Variants in DISC1 observed in about 807,000 individuals in gnomAD.
DISC1 encodes DISC1 scaffold protein.
A neutral mutation model predicts 84.5 loss-of-function variants in DISC1; 57 were observed. The ratio of observed to expected loss-of-function variants is 0.67; its 90% CI spans 0.55 to 0.84. The LOEUF is 0.84. Ranked by LOEUF, DISC1 falls within the 40% of genes least tolerant of loss-of-function variation. The pLI is 0.00. For synonymous variants in DISC1, 411 were observed against 415.2 expected, an observed-to-expected ratio of 0.99 and a Z score of 0.12; for missense variants, 1,000 against 1,057.8, an observed-to-expected ratio of 0.95 and a Z score of 0.76.
chr1:231,863,795 C>T (rs2084852471), intron 9 of DISC1, among the ~76,000 whole-genome samples: 1 of 152,166 alleles, frequency 6.6e-6, no homozygotes, highest in Non-Finnish European at 1.5e-5. Context: ...GATGCTGGAG[C>T]CAAGGTCTAG....
intron 10 of DISC1, among the ~76,000 whole-genome samples, chr1:231,993,137 A>T (rs1665451425): frequency 6.6e-6 from 1 of 152,116 alleles, no homozygotes; most frequent in African/African-American, 2.4e-5. Flanking sequence ...AAATGGTTGG[A>T]TTTCAATGGG....
chr1:231,681,249 T>A (rs1478302945), intron 1 of DISC1, among the ~76,000 whole-genome samples: 1 of 152,218 alleles, frequency 6.6e-6, no homozygotes, highest in African/African-American at 2.4e-5. Context: ...AATCTTTTGC[T>A]ACTGAATTCC....
chr1:231,864,402 G>T (rs542562427), intron 9 of DISC1, among the ~76,000 whole-genome samples: 1 of 152,118 alleles, frequency 6.6e-6, no homozygotes, highest in African/African-American at 2.4e-5. Flanking sequence ...AGTGGCTCAC[G>T]CCTGTAATCC....
intron 3 of DISC1, among the ~76,000 whole-genome samples, chr1:231,739,796 C>A (rs2073010505): frequency 6.6e-6 from 1 of 152,200 alleles, no homozygotes; most frequent in Non-Finnish European, 1.5e-5. Context: ...AAACACTCTC[C>A]TCTCCCAGAG....
At chr1:231,693,385 G>C (rs569572594) in intron 1 of DISC1, among the ~76,000 whole-genome samples, 1 of 152,176 alleles carries the variant, frequency 6.6e-6, no homozygotes, top group Admixed American at 6.5e-5. Context: ...CATGTTCAAC[G>C]AATAGCTAGA....
Position 231,894,745 on chromosome 1 carries a change from T to TTG in DISC1, c.1982-64050_1982-64049dup, listed in dbSNP as rs3222846. Among the ~76,000 whole-genome samples, 1,217 of 144,586 alleles carry TTG rather than the reference T, an allele frequency of 8.4e-3. 5 individuals carry two copies. The highest frequency in any genetic ancestry group is 0.021 in the Middle Eastern group (6 of 290). 94.9% of individuals were successfully genotyped at this position (144,586 alleles called of 152,430 possible). ...CCTCTACAGATTTGTGTGTCATCTGTTGTGTGTGTGTGTGTGTGTGTGTGT... is the reference window on the plus strand; with the variant it reads ...CCTCTACAGATTTGTGTGTCATCTGTTGTGTGTGTGTGTGTGTGTGTGTGTGT... On this transcript the variant is annotated intron_variant, in intron 9 of 12. Transcript: ENST00000439617.
At chr1:231,863,729 T>A (rs180752985) in intron 9 of DISC1, among the ~76,000 whole-genome samples, 22 of 152,314 alleles carry the variant, frequency 1.4e-4, no homozygotes, top group Admixed American at 1.2e-3. Flanking sequence ...TGCCCTGGGC[T>A]TTTTAAGAAA....
chr1:231,995,180 G>A (rs1665752425), intron 10 of DISC1, among the ~76,000 whole-genome samples: 1 of 151,804 alleles, frequency 6.6e-6, no homozygotes, highest in Non-Finnish European at 1.5e-5. Context: ...TGGAGGTTAA[G>A]TTGCCCAGGG....
chr1:231,653,654 T>C (rs1462071215), intron 1 of DISC1, among the ~76,000 whole-genome samples: 3 of 152,072 alleles, frequency 2.0e-5, no homozygotes, highest in Non-Finnish European at 4.4e-5. Flanking sequence ...TTTACCAAAT[T>C]CCTGTTTTGC....
chr1:231,853,473 G>A (rs1377015773), intron 9 of DISC1, among the ~76,000 whole-genome samples: 1 of 152,166 alleles, frequency 6.6e-6, no homozygotes, highest in East Asian at 1.9e-4. Flanking sequence ...AAGTATTTGT[G>A]TATCTGAACA....
At chr1:231,681,377 T>A (rs1558316206) in intron 1 of DISC1, among the ~76,000 whole-genome samples, 1 of 151,794 alleles carries the variant, frequency 6.6e-6, no homozygotes. Flanking sequence ...GTCTATGTGA[T>A]CCGTGTTGGG....
chr1:231,807,186 C>A (rs1289798659), intron 8 of DISC1, among the ~76,000 whole-genome samples: 1 of 152,236 alleles, frequency 6.6e-6, no homozygotes, highest in African/African-American at 2.4e-5. Context: ...TTGGGCCCTA[C>A]CTCTATCGGT....
chr1:231,860,323 G>A (rs1160438502), intron 9 of DISC1, among the ~76,000 whole-genome samples: 1 of 152,026 alleles, frequency 6.6e-6, no homozygotes, highest in African/African-American at 2.4e-5. Context: ...GACAAGAACT[G>A]TTTTAGATCT....
intron 9 of DISC1, among the ~76,000 whole-genome samples, chr1:231,850,076 T>G (rs912862929): frequency 1.3e-5 from 2 of 152,194 alleles, no homozygotes; most frequent in Non-Finnish European, 2.9e-5. Flanking sequence ...TTGTGCTGTT[T>G]TTTTGTGAAA....
chr1:231,634,189 C>T (rs1412364640), intron 1 of DISC1, among the ~76,000 whole-genome samples: 1 of 151,986 alleles, frequency 6.6e-6, no homozygotes, highest in Non-Finnish European at 1.5e-5. Context: ...TGGCCTGTAC[C>T]TGTCATCTCT....
intron 9 of DISC1, among the ~76,000 whole-genome samples, chr1:231,836,552 A>G (rs1400886563): frequency 6.6e-6 from 1 of 152,178 alleles, no homozygotes; most frequent in Non-Finnish European, 1.5e-5. Context: ...AGAAATTTCT[A>G]TGATTTCGGA....
At chr1:231,798,113 C>CCACACACACA (rs113265676) in intron 7 of DISC1, among the ~76,000 whole-genome samples, 4,453 of 147,088 alleles carry the variant, frequency 0.03, 95 homozygotes, top group African/African-American at 0.05. Flanking sequence ...GTTAGACACA[C>CCACACACACA]CACACACACA....
chr1:231,668,255 T>C (rs1213028181), intron 1 of DISC1, among the ~76,000 whole-genome samples: 2 of 152,142 alleles, frequency 1.3e-5, no homozygotes, highest in African/African-American at 4.8e-5. Flanking sequence ...AAATCTACCC[T>C]AGGCAAATTT....
chr1:231,787,178 T>C (rs886585840), intron 6 of DISC1, among the ~76,000 whole-genome samples: 3 of 152,180 alleles, frequency 2.0e-5, no homozygotes, highest in Non-Finnish European at 4.4e-5. Flanking sequence ...TGCTGTTAGA[T>C]TGGGGCATGG....
Sources: allele counts gnomAD v4.1 joint callset (sites outside exome capture counted in the v4.1 genomes callset), GRCh38; gene constraint gnomAD v4.1.1; transcripts MANE v1.5; gene names NCBI Gene and HGNC (gene_info 2026-07-23, HGNC 2026-07-21).